B3GALT1: variants seen among roughly 807,000 people sequenced by gnomAD.
B3GALT1 encodes beta-1,3-galactosyltransferase 1.
B3GALT1 carries 10 observed loss-of-function variants against 23.2 expected under a neutral mutation model. The observed-to-expected ratio is 0.43, with a 90% CI of 0.27 to 0.73. B3GALT1 has a LOEUF of 0.73. B3GALT1 is among the 30% of genes least tolerant of loss of function. B3GALT1 has a pLI of 0.21. For synonymous variants in B3GALT1, 156 were observed against 141.5 expected (o/e 1.10, Z -0.73); for missense variants, 299 against 405.4 (o/e 0.74, Z 2.25).
chr2:167,596,999 A>G (rs1207095534), intron 2 of B3GALT1, among the ~76,000 whole-genome samples: 2 of 152,226 alleles, frequency 1.3e-5, no homozygotes, highest in Non-Finnish European at 2.9e-5. Flanking sequence ...CGACTTATCC[A>G]AGGGCATGCA....
At chr2:167,610,993 A>G (rs1041155790) in intron 2 of B3GALT1, among the ~76,000 whole-genome samples, 5 of 151,354 alleles carry the variant, frequency 3.3e-5, no homozygotes, top group African/African-American at 1.2e-4. Flanking sequence ...AGCAGACCCA[A>G]GAGCCTACTT....
intron 2 of B3GALT1, among the ~76,000 whole-genome samples, chr2:167,566,970 C>T (rs1186736950): frequency 6.6e-6 from 1 of 152,186 alleles, no homozygotes; most frequent in Non-Finnish European, 1.5e-5. Flanking sequence ...TCCAATACCT[C>T]TTGCAATCTT....
intron 2 of B3GALT1, among the ~76,000 whole-genome samples, chr2:167,602,322 GAGAC>G (rs1684891023): frequency 6.6e-6 from 1 of 152,142 alleles, no homozygotes; most frequent in East Asian, 1.9e-4. Context: ...AGCATATAGA[GAGAC>G]AGAGAGCTGC....
Position 167,868,850 on chromosome 2 carries a change from A to T in B3GALT1, c.-190A>T. 1 of 596,038 alleles carries T rather than the reference A, an allele frequency of 1.7e-6. No individual in the cohort carries two copies. The highest frequency in any genetic ancestry group is 2.8e-6 in the Non-Finnish European group (1 of 353,614). 36.9% of individuals were successfully genotyped at this position (596,038 alleles called of 1,614,324 possible). On this transcript the variant is annotated 5_prime_UTR_variant, in exon 5 of 5. The change creates a premature stop within an existing upstream ORF in the 5' untranslated region. Coordinates refer to ENST00000392690, the MANE Select transcript of B3GALT1 (RefSeq NM_020981.4). Reference sequence around the variant, plus strand: ...TTTATGAGTCATGGAACCCTCCATCAGATTTGGAAGAAAGTAGAATGAGCG... The same window carrying T: ...TTTATGAGTCATGGAACCCTCCATCTGATTTGGAAGAAAGTAGAATGAGCG...
chr2:167,580,354 C>T (rs1213132298), intron 2 of B3GALT1, among the ~76,000 whole-genome samples: 3 of 152,168 alleles, frequency 2.0e-5, no homozygotes, highest in East Asian at 1.9e-4. Context: ...CCAACCCCTC[C>T]GACTTCTCTT....
intron 3 of B3GALT1, among the ~76,000 whole-genome samples, 178 bp from the exon 4 acceptor site, chr2:167,818,494 C>A (rs780009603): frequency 3.3e-4 from 50 of 152,160 alleles, no homozygotes; most frequent in Non-Finnish European, 5.7e-4. Flanking sequence ...AGGTTAATTT[C>A]TTCATTCTTT....
chr2:167,605,917 G>A (rs111445147), intron 2 of B3GALT1, among the ~76,000 whole-genome samples: 2,237 of 152,188 alleles, frequency 0.015, 24 homozygotes, highest in Middle Eastern at 0.024. Context: ...TATCTCCATT[G>A]CCCAAATAAG....
intron 1 of B3GALT1, among the ~76,000 whole-genome samples, chr2:167,395,207 T>TAG (rs1698076393): frequency 1.3e-5 from 2 of 152,218 alleles, no homozygotes; most frequent in South Asian, 4.1e-4. Flanking sequence ...TAATGGCTCT[T>TAG]CAGACATGTT....
intron 2 of B3GALT1, among the ~76,000 whole-genome samples, chr2:167,590,937 C>T (rs1309039674): frequency 1.3e-5 from 2 of 152,082 alleles, no homozygotes; most frequent in African/African-American, 4.8e-5. Context: ...AACCTGCTGG[C>T]CAGGCATTTA....
intron 3 of B3GALT1, chr2:167,716,057 C>G: frequency 6.3e-7 from 1 of 1,591,378 alleles, no homozygotes; most frequent in Non-Finnish European, 8.6e-7. Context: ...TAGCGCCGGG[C>G]TCCTCCATAG....
intron 2 of B3GALT1, among the ~76,000 whole-genome samples, chr2:167,491,373 A>G (rs1467801248): frequency 1.3e-5 from 2 of 152,204 alleles, no homozygotes; most frequent in African/African-American, 2.4e-5. Flanking sequence ...GGGTATCACC[A>G]TAAAAGGCTG....
At chr2:167,689,657 T>A (rs547375872) in intron 3 of B3GALT1, among the ~76,000 whole-genome samples, 6 of 152,080 alleles carry the variant, frequency 3.9e-5, no homozygotes, top group Non-Finnish European at 7.4e-5. Context: ...TTTAAGAGGA[T>A]CTTCCTGGCT....
intron 3 of B3GALT1, among the ~76,000 whole-genome samples, chr2:167,684,878 C>A (rs1185556477): frequency 6.6e-6 from 1 of 152,214 alleles, no homozygotes; most frequent in African/African-American, 2.4e-5. Context: ...ACACTCCTGT[C>A]CCATCAGTTA....
intron 4 of B3GALT1, among the ~76,000 whole-genome samples, chr2:167,833,812 C>G (rs1253055505): frequency 4.6e-5 from 7 of 152,078 alleles, no homozygotes; most frequent in Non-Finnish European, 1.0e-4. Context: ...GATCTGAGTA[C>G]AAATTCCCAA....
chr2:167,713,693 G>A (rs552501167), intron 3 of B3GALT1: 2 of 1,480,342 alleles, frequency 1.4e-6, no homozygotes, highest in African/African-American at 1.4e-5. Context: ...TCAGTAGCAG[G>A]CTCCTTTGAA....
intron 1 of B3GALT1, among the ~76,000 whole-genome samples, chr2:167,430,782 CATT>C (rs1270563739): frequency 2.0e-5 from 3 of 152,072 alleles, no homozygotes; most frequent in African/African-American, 4.8e-5. Context: ...ACATTATCAT[CATT>C]ATTATCAGTA....
chr2:167,404,152 T>G (rs1183737266), intron 1 of B3GALT1, among the ~76,000 whole-genome samples: 2 of 151,874 alleles, frequency 1.3e-5, no homozygotes, highest in African/African-American at 4.8e-5. Context: ...GTTTGAGAGA[T>G]CACATGGCAA....
intron 1 of B3GALT1, among the ~76,000 whole-genome samples, chr2:167,461,830 G>T (rs987724108): frequency 2.0e-5 from 3 of 152,080 alleles, no homozygotes; most frequent in Non-Finnish European, 4.4e-5. Context: ...GTAATGTAGA[G>T]AATATAATAG....
chr2:167,345,406 G>C (rs1697212221), intron 1 of B3GALT1, among the ~76,000 whole-genome samples: 1 of 152,066 alleles, frequency 6.6e-6, no homozygotes, highest in African/African-American at 2.4e-5. Context: ...TTTAAGCACA[G>C]GGAGTTGGCA....
Sources: gnomAD v4.1 joint callset for allele counts (sites outside exome capture counted in the v4.1 genomes callset) on GRCh38, gnomAD v4.1.1 for gene constraint, MANE v1.5 for transcripts, NCBI Gene and HGNC (gene_info 2026-07-23, HGNC 2026-07-21) for gene names.